Variants in C1orf21 observed in about 807,000 individuals in gnomAD.
C1orf21 encodes the protein uncharacterized protein C1orf21.
C1orf21 carries 3 observed loss-of-function variants against 18.7 expected under a neutral mutation model. That is an observed-to-expected ratio of 0.16 (90% CI 0.07 to 0.42). C1orf21 has a LOEUF of 0.42. C1orf21 is among the 10% of genes least tolerant of loss of function. The pLI is 0.99. For missense variants in C1orf21, 104 were observed against 143.6 expected (o/e 0.72, Z 1.41); for synonymous variants, 41 against 46.4 (o/e 0.88, Z 0.47).
At chr1:184,399,356 A>ATTTTTTTTTTTT (rs59376994) in intron 1 of C1orf21, among the ~76,000 whole-genome samples, 1 of 79,082 alleles carries the variant, frequency 1.3e-5, no homozygotes. Flanking sequence ...ATGTACTTCT[A>ATTTTTTTTTTTT]TTTTTTTTTT....
chr1:184,554,612 C>A (rs1167330141), intron 3 of C1orf21, among the ~76,000 whole-genome samples: 3 of 152,170 alleles, frequency 2.0e-5, no homozygotes, highest in Admixed American at 1.3e-4. Context: ...ATGGTTTTAA[C>A]CCCATCTCTT....
chr1:184,533,502 C>G (rs898680257), intron 3 of C1orf21, among the ~76,000 whole-genome samples: 6 of 152,124 alleles, frequency 3.9e-5, no homozygotes, highest in African/African-American at 1.4e-4. Flanking sequence ...TTTAATACTT[C>G]CGGTAGATCC....
chr1:184,527,062 C>T (rs527925347), intron 3 of C1orf21, among the ~76,000 whole-genome samples: 1 of 152,132 alleles, frequency 6.6e-6, no homozygotes, highest in South Asian at 2.1e-4. Flanking sequence ...ATGGAGGGGC[C>T]CCCTTTATGC....
intron 3 of C1orf21, among the ~76,000 whole-genome samples, chr1:184,514,872 G>A (rs1178246664): frequency 1.3e-5 from 2 of 152,166 alleles, no homozygotes; most frequent in Non-Finnish European, 2.9e-5. Flanking sequence ...GCCATTTAAG[G>A]TTTTATTAAA....
At chr1:184,615,548 C>A (rs1429572705) in intron 5 of C1orf21, among the ~76,000 whole-genome samples, 2 of 152,220 alleles carry the variant, frequency 1.3e-5, no homozygotes, top group Non-Finnish European at 2.9e-5. Context: ...GAAGGGCATA[C>A]TTCTGCGAAG....
intron 1 of C1orf21, among the ~76,000 whole-genome samples, chr1:184,434,951 T>C (rs1015215037): frequency 2.0e-5 from 3 of 152,192 alleles, no homozygotes; most frequent in African/African-American, 7.2e-5. Context: ...ATTTAAGCTT[T>C]AGAAAGATCA....
intron 1 of C1orf21, among the ~76,000 whole-genome samples, chr1:184,466,304 C>T (rs536389596): frequency 3.7e-4 from 57 of 152,232 alleles, no homozygotes; most frequent in African/African-American, 1.1e-3. Context: ...GTGGTAGGTA[C>T]GGTCTAAAGA....
chr1:184,618,452 C>T (rs557276391), intron 5 of C1orf21, among the ~76,000 whole-genome samples: 3 of 151,978 alleles, frequency 2.0e-5, no homozygotes, highest in Admixed American at 6.6e-5. Context: ...CACCCAGCCA[C>T]GTGGCACAAA....
At chr1:184,472,430 T>A (rs932949122) in intron 1 of C1orf21, among the ~76,000 whole-genome samples, 4 of 152,202 alleles carry the variant, frequency 2.6e-5, no homozygotes, top group Non-Finnish European at 5.9e-5. Flanking sequence ...TTAATTCGTA[T>A]TTTAGAAGTG....
chr1:184,585,174 A>G (rs555164969), intron 3 of C1orf21, among the ~76,000 whole-genome samples: 20 of 152,182 alleles, frequency 1.3e-4, no homozygotes, highest in Non-Finnish European at 2.1e-4. Context: ...GAGAGGCACT[A>G]TGGTCAAAGT....
intron 3 of C1orf21, chr1:184,542,639 T>C (rs987471942): frequency 4.6e-5 from 7 of 152,266 alleles, no homozygotes; most frequent in South Asian, 2.1e-4. Context: ...CCTTCCTACA[T>C]GGAGAGGTGG....
chr1:184,590,665 G>T (rs1659424124), intron 3 of C1orf21, 74 bp from the exon 4 acceptor site: 1 of 1,437,264 alleles, frequency 7.0e-7, no homozygotes, highest in Non-Finnish European at 9.8e-7. Flanking sequence ...ACGTTTGTGT[G>T]ATGAAAACTC....
At chr1:184,497,258 G>A (rs1657906554) in intron 2 of C1orf21, among the ~76,000 whole-genome samples, 1 of 152,216 alleles carries the variant, frequency 6.6e-6, no homozygotes, top group South Asian at 2.1e-4. Context: ...AAGCTATCAT[G>A]GAGCATGCGT....
At chr1:184,551,943 TAA>T (rs5779224) in intron 3 of C1orf21, among the ~76,000 whole-genome samples, 16 of 139,754 alleles carry the variant, frequency 1.1e-4, no homozygotes, top group South Asian at 2.3e-4. Context: ...GACCCTGTCT[TAA>T]AAAAAAAAAA....
intron 1 of C1orf21, among the ~76,000 whole-genome samples, chr1:184,440,359 T>C (rs886363227): frequency 6.6e-6 from 1 of 152,136 alleles, no homozygotes; most frequent in Non-Finnish European, 1.5e-5. Context: ...TCACCTGTCT[T>C]AGCCTCCCAA....
At chr1:184,420,129 T>G (rs1656522002) in intron 1 of C1orf21, among the ~76,000 whole-genome samples, 1 of 151,924 alleles carries the variant, frequency 6.6e-6, no homozygotes, top group Admixed American at 6.6e-5. Flanking sequence ...ACATCCAAAA[T>G]GGAAGGAAGT....
At chr1:184,405,751 C>T (rs938356182) in intron 1 of C1orf21, among the ~76,000 whole-genome samples, 1 of 152,168 alleles carries the variant, frequency 6.6e-6, no homozygotes, top group Non-Finnish European at 1.5e-5. Flanking sequence ...GATTGGTGCT[C>T]CTCTAGCTTT....
chr1:184,567,347 T>G, intron 3 of C1orf21: 2 of 476,206 alleles, frequency 4.2e-6, no homozygotes, highest in South Asian at 3.3e-5. Context: ...CAGGACCTGT[T>G]TCAGCCATCA....
At chr1:184,574,908 G>T (rs149729170) in intron 3 of C1orf21, among the ~76,000 whole-genome samples, 2 of 152,214 alleles carry the variant, frequency 1.3e-5, no homozygotes, top group Non-Finnish European at 2.9e-5. Flanking sequence ...TCCACAGGAC[G>T]AGCTCAGCTC....
Sources: gnomAD v4.1 joint callset for allele counts (sites outside exome capture counted in the v4.1 genomes callset) on GRCh38, gnomAD v4.1.1 for gene constraint, MANE v1.5 for transcripts, NCBI Gene and HGNC (gene_info 2026-07-23, HGNC 2026-07-21) for gene names.